The following ZNF827 variants were observed in gnomAD, a reference collection of about 807,000 sequenced individuals.
ZNF827 encodes the protein zinc finger protein 827.
Under a neutral mutation model 102.4 loss-of-function variants are expected in ZNF827, and 13 were observed. The ratio of observed to expected loss-of-function variants is 0.13; its 90% CI spans 0.08 to 0.20. The LOEUF is 0.20. ZNF827 is among the 10% of genes least tolerant of loss of function. The pLI is 1.00. For synonymous variants in ZNF827, 523 were observed against 536.2 expected (o/e 0.98, Z 0.34); for missense variants, 1,103 against 1,344.4 (o/e 0.82, Z 2.81).
chr4:145,884,449 G>A (rs1749936451), intron 4 of ZNF827, among the ~76,000 whole-genome samples: 1 of 152,124 alleles, frequency 6.6e-6, no homozygotes, highest in East Asian at 1.9e-4. Context: ...ATTTAAAAGG[G>A]TATTGTCAAT....
chr4:145,808,296 C>T (rs1257043664), intron 8 of ZNF827, among the ~76,000 whole-genome samples: 3 of 152,126 alleles, frequency 2.0e-5, no homozygotes, highest in African/African-American at 7.2e-5. Flanking sequence ...ATTCTACCTC[C>T]AGGCTATCCC....
At chr4:145,938,122 AG>A (rs1272065386) in intron 1 of ZNF827, among the ~76,000 whole-genome samples, 216 of 145,470 alleles carry the variant, frequency 1.5e-3, no homozygotes, top group African/African-American at 3.9e-3. Context: ...AAGGAAAAAA[AG>A]GGGGGGGGTG....
rs139454278 is a variant in ZNF827 at position 145,812,779 on chromosome 4, C to G, written c.2383+10643G>C. Among the ~76,000 whole-genome samples the G allele has an allele frequency of 2.7e-3, 411 of 152,176 alleles. 4 individuals are homozygous for G. Among genetic ancestry groups the G allele is most frequent in the African/African-American group, 9.5e-3 (393 of 41,506 alleles). Reference sequence around the variant, plus strand: ...CTGACCTCAGGTGATCCATCCTCCTCGGCCTCCCAAAGTGCTCGGATTACA... The same window carrying G: ...CTGACCTCAGGTGATCCATCCTCCTGGGCCTCCCAAAGTGCTCGGATTACA... On this transcript the variant is annotated intron_variant, in intron 8 of 14. Coordinates refer to ENST00000508784, the MANE Select transcript of ZNF827 (RefSeq NM_001306215.2).
chr4:145,881,616 G>A (rs892152809), intron 4 of ZNF827, among the ~76,000 whole-genome samples: 3 of 152,100 alleles, frequency 2.0e-5, no homozygotes, highest in Non-Finnish European at 4.4e-5. Context: ...TAATAATGAC[G>A]ACCCTCCCAG....
intron 1 of ZNF827, 60 bp from the exon 2 acceptor site, chr4:145,903,275 A>T (rs1276985853): frequency 6.6e-7 from 1 of 1,526,540 alleles, no homozygotes; most frequent in East Asian, 2.3e-5. Flanking sequence ...AAGTCTCAAG[A>T]CATTCAAATG....
intron 2 of ZNF827, among the ~76,000 whole-genome samples, chr4:145,897,958 C>G (rs1415182450): frequency 1.3e-5 from 2 of 152,118 alleles, no homozygotes; most frequent in South Asian, 2.1e-4. Context: ...AGTTCGAGAC[C>G]AGCCTTACTA....
At chr4:145,934,032 A>T (rs1753987133) in intron 1 of ZNF827, among the ~76,000 whole-genome samples, 2 of 152,174 alleles carry the variant, frequency 1.3e-5, no homozygotes, top group Admixed American at 1.3e-4. Flanking sequence ...CCTCTTGGAC[A>T]TTTTTTTAAA....
At chr4:145,783,405 T>C (rs1738386919) in intron 8 of ZNF827, among the ~76,000 whole-genome samples, 1 of 152,262 alleles carries the variant, frequency 6.6e-6, no homozygotes, top group South Asian at 2.1e-4. Flanking sequence ...AATTGCTGTT[T>C]TAACTCAATT....
At chr4:145,834,922 A>G (rs1446141997) in intron 7 of ZNF827, 2 of 152,068 alleles carry the variant, frequency 1.3e-5, no homozygotes, top group Non-Finnish European at 2.9e-5. Flanking sequence ...TGTGAGACAA[A>G]CCCCAGCCAC....
intron 7 of ZNF827, among the ~76,000 whole-genome samples, chr4:145,837,839 T>C (rs1174056779): frequency 6.6e-6 from 1 of 152,048 alleles, no homozygotes; most frequent in African/African-American, 2.4e-5. Flanking sequence ...ACGACAAATG[T>C]TTCTTCTAAC....
In ZNF827 at chr4:145,776,608, C is replaced by G. The variant is rs76028425; in HGVS notation, c.2522-648G>C. Among the ~76,000 whole-genome samples, 211 of 150,718 alleles carry G rather than the reference C, an allele frequency of 1.4e-3. 1 individual carries two copies. The highest frequency in any genetic ancestry group is 4.8e-3 in the African/African-American group (199 of 41,422). On this transcript the variant is annotated intron_variant, in intron 9 of 14. Coordinates refer to ENST00000508784, the MANE Select transcript of ZNF827 (RefSeq NM_001306215.2). Reference sequence around the variant, plus strand: ...TCTGTGAGTGAGCAAGTGTGCATGTCTGTTTGTGTGTGTGTGTGTACCCCA... The same window carrying G: ...TCTGTGAGTGAGCAAGTGTGCATGTGTGTTTGTGTGTGTGTGTGTACCCCA...
chr4:145,842,393 G>A (rs1333309693), intron 7 of ZNF827, among the ~76,000 whole-genome samples: 3 of 152,210 alleles, frequency 2.0e-5, no homozygotes, highest in South Asian at 2.1e-4. Context: ...CGTGGACTTC[G>A]TGTTCTCTTG....
chr4:145,902,254 A>G lies in ZNF827; in HGVS notation c.1005T>C (p.Pro335=). The G allele has an allele frequency of 1.6e-6, 2 of 1,283,774 alleles. No individual in the cohort carries two copies. Among genetic ancestry groups the G allele is most frequent in the South Asian group, 1.2e-5 (1 of 81,144 alleles). 79.5% of individuals were successfully genotyped at this position (1,283,774 alleles called of 1,614,324 possible). ...EKVTPPPPPP[P]PPPPPPPPQS... ...GTGGTGGTGGTGGTGGAGGTGGTGG[A>G]GGTGGCGGTGGAGGTGGCGGAGTGA... The change falls in exon 2 of 15, where the codon CCT becomes CCC. Residue 335 remains proline (P), a synonymous_variant. Transcript: ENST00000508784. The surrounding 1 kb of genome is among the most constrained non-coding windows in gnomAD (Gnocchi z 4.3).
chr4:145,917,730 A>AG (rs1752768589), intron 1 of ZNF827, among the ~76,000 whole-genome samples: 1 of 149,850 alleles, frequency 6.7e-6, no homozygotes, highest in Non-Finnish European at 1.5e-5. Flanking sequence ...AAAAAAAGAA[A>AG]AGAAAAAACA....
rs530638867 is a variant in ZNF827 at position 145,841,589 on chromosome 4, C to T, written c.2279+4367G>A. Reference sequence around the variant, plus strand: ...TAACAACACTCAGTCCACACACTATCTCAAAGGAGACCCACAGCCTTCTTT... The same window carrying T: ...TAACAACACTCAGTCCACACACTATTTCAAAGGAGACCCACAGCCTTCTTT... On this transcript the variant is annotated intron_variant, in intron 7 of 14. Transcript: ENST00000508784. Among the ~76,000 whole-genome samples, 232 of 152,340 alleles carry T rather than the reference C, an allele frequency of 1.5e-3. 1 individual carries two copies. The highest frequency in any genetic ancestry group is 5.3e-3 in the African/African-American group (222 of 41,574).
intron 7 of ZNF827, among the ~76,000 whole-genome samples, chr4:145,845,596 A>T (rs1579354543): frequency 6.6e-6 from 1 of 152,142 alleles, no homozygotes; most frequent in Non-Finnish European, 1.5e-5. Context: ...TGAGATACAG[A>T]CCCAGCCCCC....
intron 11 of ZNF827, among the ~76,000 whole-genome samples, chr4:145,766,646 G>T (rs1260496395): frequency 1.3e-5 from 2 of 152,084 alleles, no homozygotes; most frequent in East Asian, 1.9e-4. Context: ...ACACAGAGAG[G>T]GTCCCCCTTG....
At chr4:145,817,748 C>T (rs532434714) in intron 8 of ZNF827, among the ~76,000 whole-genome samples, 2 of 152,154 alleles carry the variant, frequency 1.3e-5, no homozygotes, top group Admixed American at 6.5e-5. Context: ...GCTTGTAGAC[C>T]TTCTCATCTC....
Position 145,765,337 on chromosome 4 carries a change from A to T in ZNF827, c.3053-172T>A, listed in dbSNP as rs773505637. 6.6e-6 allele frequency among the ~76,000 whole-genome samples: 1 copy of T among 152,170 alleles called. No individual in the cohort carries two copies. Among genetic ancestry groups the T allele is most frequent in the Non-Finnish European group, 1.5e-5 (1 of 68,022 alleles). On this transcript the variant is annotated intron_variant, in intron 12 of 14. Coordinates refer to ENST00000508784, the MANE Select transcript of ZNF827 (RefSeq NM_001306215.2). The surrounding 1 kb of genome is among the most constrained non-coding windows in gnomAD (Gnocchi z 4.7). ...GCTAAAAGGAGTTAAATGTACAAAC[A>T]TCGGAATCAATGTCACCCTCCCCAT...
Sources: gnomAD v4.1 joint callset for allele counts (sites outside exome capture counted in the v4.1 genomes callset) on GRCh38, gnomAD v4.1.1 for gene constraint, Gnocchi (gnomAD v3.1) non-coding constraint, MANE v1.5 for transcripts, NCBI Gene and HGNC (gene_info 2026-07-23, HGNC 2026-07-21) for gene names.